Variants in RNF157 observed in about 807,000 individuals in gnomAD.
The protein encoded by RNF157 is E3 ubiquitin ligase RNF157.
Under a neutral mutation model 88.3 loss-of-function variants are expected in RNF157, and 55 were observed. That is an observed-to-expected ratio of 0.62 (90% CI 0.50 to 0.78). The LOEUF (loss-of-function observed/expected upper bound fraction) is 0.78, where lower values mean the gene tolerates loss of function less well. Among genes scored for constraint, RNF157 ranks in the 30% least tolerant of loss-of-function variants. The probability of loss-of-function intolerance (pLI) is 0.00; values close to 1 mark genes in which losing one functional copy is unlikely to be tolerated. For missense variants in RNF157, 788 were observed against 860.8 expected (o/e 0.92, Z 1.06); for synonymous variants, 334 against 341.2 (o/e 0.98, Z 0.23).
chr17:76,226,629 C>T (rs987529184), intron 1 of RNF157: 7 of 1,612,898 alleles, frequency 4.3e-6, no homozygotes, highest in South Asian at 1.1e-5. Context: ...GTCAGCCATT[C>T]GGAGGAGCCC....
At chr17:76,165,666 A>C (rs1598397392) in intron 6 of RNF157, 121 bp from the exon 7 acceptor site, 4 of 993,192 alleles carry the variant, frequency 4.0e-6, no homozygotes, top group Admixed American at 3.9e-5. Flanking sequence ...TAGAAGGGGC[A>C]CGTTATATAA....
At chr17:76,226,634 G>A (rs1340376716) in intron 1 of RNF157, 5 of 1,612,972 alleles carry the variant, frequency 3.1e-6, no homozygotes, top group Admixed American at 1.7e-5. Flanking sequence ...CCATTCGGAG[G>A]AGCCCGCCTT....
chr17:76,175,063 G>GT (rs1298638761), intron 2 of RNF157, among the ~76,000 whole-genome samples: 1 of 152,094 alleles, frequency 6.6e-6, no homozygotes, highest in Non-Finnish European at 1.5e-5. Flanking sequence ...TATGGAATAC[G>GT]TATCTCCATC....
intron 2 of RNF157, among the ~76,000 whole-genome samples, chr17:76,188,482 G>A (rs2069330462): frequency 6.6e-6 from 1 of 152,096 alleles, no homozygotes; most frequent in Non-Finnish European, 1.5e-5. Flanking sequence ...TACACTCCCT[G>A]AAGAATAAAT....
At chr17:76,207,480 C>T (rs957594649) in intron 2 of RNF157, among the ~76,000 whole-genome samples, 1 of 151,956 alleles carries the variant, frequency 6.6e-6, no homozygotes, top group Admixed American at 6.6e-5. Flanking sequence ...ATCTGTGGTG[C>T]GAAGTACAGC....
intron 1 of RNF157, among the ~76,000 whole-genome samples, chr17:76,238,210 G>T (rs1289975854): frequency 1.3e-5 from 2 of 152,130 alleles, no homozygotes; most frequent in Admixed American, 6.5e-5. Flanking sequence ...AAGATCAGAA[G>T]AAAGGCGATG....
chr17:76,158,268 G>C (rs1356658232), intron 13 of RNF157, 125 bp downstream of exon 13: 2 of 705,400 alleles, frequency 2.8e-6, no homozygotes, highest in Admixed American at 1.9e-5. Flanking sequence ...CTTTGCCACT[G>C]CCTCAGAGGG....
intron 2 of RNF157, among the ~76,000 whole-genome samples, chr17:76,183,547 G>T (rs1007819008): frequency 6.6e-6 from 1 of 151,798 alleles, no homozygotes; most frequent in Non-Finnish European, 1.5e-5. Context: ...CTACAGCCTT[G>T]AACTACTGGG....
Position 76,177,125 on chromosome 17 carries a change from ACTGGCCCCGGCC to A in RNF157, c.208-3347_208-3336del, listed in dbSNP as rs368009265. ...ATGGCGATGTCACCCTGCCCTGGAC[ACTGGCCCCGGCC>A]CTGGCCCCGGCCCAGTGAGGACCTG... On this transcript the variant is annotated intron_variant, in intron 2 of 18. Transcript: ENST00000269391. 3.1e-3 allele frequency among the ~76,000 whole-genome samples: 466 copies of A among 152,112 alleles called. 3 individuals are homozygous for A. Among genetic ancestry groups the A allele is most frequent in the African/African-American group, 0.01 (416 of 41,530 alleles).
At position 76,195,888 on chromosome 17, in the gene RNF157, C is replaced by G. The variant is rs2069469350; in HGVS notation, c.207+16476G>C. Among the ~76,000 whole-genome samples the G allele has an allele frequency of 6.6e-6, 1 of 152,186 alleles. No homozygotes were observed. The highest frequency in any genetic ancestry group is 1.5e-5 in the Non-Finnish European group (1 of 68,038). On this transcript the variant is annotated intron_variant, in intron 2 of 18. Coordinates refer to ENST00000269391, the MANE Select transcript of RNF157 (RefSeq NM_052916.3). This position sits in a 1 kb window ranked among gnomAD's most constrained non-coding sequence, Gnocchi z 4.4. ...ATAAGATAGCCCATACCTCCCATAC[C>G]TGTCAGTGTGTGCCATGTCAGTTTA... is the stretch of plus-strand genomic sequence containing the variant.
chr17:76,210,461 G>A (rs1213770204), intron 2 of RNF157, among the ~76,000 whole-genome samples: 3 of 150,760 alleles, frequency 2.0e-5, no homozygotes, highest in South Asian at 2.1e-4. Context: ...GTAGTGGCGG[G>A]TGCCTGTAGT....
chr17:76,145,499 C>G, intron 18 of RNF157, 146 bp from the exon 19 acceptor site: 1 of 604,408 alleles, frequency 1.7e-6, no homozygotes, highest in Non-Finnish European at 3.0e-6. Context: ...CCACAGCACT[C>G]GTGTGTGAGA....
At chr17:76,189,777 C>T (rs2069352668) in intron 2 of RNF157, among the ~76,000 whole-genome samples, 1 of 152,160 alleles carries the variant, frequency 6.6e-6, no homozygotes, top group African/African-American at 2.4e-5. Context: ...GGGACTCAGA[C>T]TTCTGAGGTG....
At chr17:76,219,282 C>T (rs2069941518) in intron 1 of RNF157, among the ~76,000 whole-genome samples, 1 of 151,594 alleles carries the variant, frequency 6.6e-6, no homozygotes, top group Non-Finnish European at 1.5e-5. Context: ...GCAAACAAAA[C>T]AGACTACATA....
chr17:76,147,752 G>A (rs946471170), intron 18 of RNF157, among the ~76,000 whole-genome samples: 4 of 152,222 alleles, frequency 2.6e-5, no homozygotes, highest in African/African-American at 9.7e-5. Context: ...TGTGGGTGCT[G>A]AGGGGCCTTC....
At position 76,182,760 on chromosome 17, in the gene RNF157, C is replaced by CATATATATATATATATAT. The variant is rs377581288; in HGVS notation, c.208-8988_208-8971dup. On this transcript the variant is annotated intron_variant, in intron 2 of 18. Coordinates refer to ENST00000269391, the MANE Select transcript of RNF157 (RefSeq NM_052916.3). Reference sequence around the variant, plus strand: ...TTGCTATTAGATTCAGGCCTCGTCTCATATATATATATATATATATATATA... The same window carrying CATATATATATATATATAT: ...TTGCTATTAGATTCAGGCCTCGTCTCATATATATATATATATATATATATATATATATATATATATATA... Among the ~76,000 whole-genome samples the CATATATATATATATATAT allele has an allele frequency of 5.6e-3, 520 of 93,178 alleles. 14 individuals carry two copies. The highest frequency in any genetic ancestry group is 0.022 in the African/African-American group (381 of 17,162). The allele number at this position is 93,178 out of a possible 152,430, so 61.1% of individuals were successfully genotyped here. A position where few individuals can be genotyped will look rare whatever the true frequency, so the allele number is the denominator to read the frequency against.
rs777008889 is a variant in RNF157, at chr17:76,156,187, G to T, written c.1525+23C>A. Reference sequence around the variant, plus strand: ...GCTGGGTAAGGGGGAAGGACATGCAGCCACTCCCCGCTCCTTATGTACCTT... The same window carrying T: ...GCTGGGTAAGGGGGAAGGACATGCATCCACTCCCCGCTCCTTATGTACCTT... On this transcript the variant is annotated intron_variant, in intron 14 of 18. Transcript: ENST00000269391. The T allele has an allele frequency of 2.5e-6, 4 of 1,575,490 alleles. No individual in the cohort carries two copies. In the South Asian group the frequency reaches 4.4e-5, roughly 17 times the overall value.
At chr17:76,227,940 C>A (rs1424002797) in intron 1 of RNF157, among the ~76,000 whole-genome samples, 2 of 152,138 alleles carry the variant, frequency 1.3e-5, no homozygotes, top group African/African-American at 4.8e-5. Flanking sequence ...TATTCCAGAA[C>A]CTGTGCTCTT....
At position 76,154,036 on chromosome 17, in the gene RNF157, T is replaced by C. The variant is rs78485105; in HGVS notation, c.1810+247A>G. 2,618 of 494,214 alleles carry C rather than the reference T, an allele frequency of 5.3e-3. 15 individuals are homozygous for C. Among genetic ancestry groups the C allele is most frequent in the Non-Finnish European group, 7.1e-3 (1,923 of 272,102 alleles). 30.6% of individuals were successfully genotyped at this position (494,214 alleles called of 1,614,324 possible). On this transcript the variant is annotated intron_variant, in intron 17 of 18. Coordinates refer to ENST00000269391, the MANE Select transcript of RNF157 (RefSeq NM_052916.3). Reference sequence around the variant, plus strand: ...TACTTCAGGTAAATATGGACCTGTATGTATCTCCTGCAGCACCCGCACCTG... The same window carrying C: ...TACTTCAGGTAAATATGGACCTGTACGTATCTCCTGCAGCACCCGCACCTG...
Sources: gnomAD v4.1 joint callset for allele counts (sites outside exome capture counted in the v4.1 genomes callset) on GRCh38, gnomAD v4.1.1 for gene constraint, Gnocchi (gnomAD v3.1) non-coding constraint, MANE v1.5 for transcripts, NCBI Gene and HGNC (gene_info 2026-07-23, HGNC 2026-07-21) for gene names.